Variants in LINC01488 observed in about 807,000 individuals in gnomAD.
The protein encoded by LINC01488 is CCND1-upstream intergenic DNA repair 1.
At chr11:69,483,886 G>C (rs1857074108) in intron 1 of LINC01488, among the ~76,000 whole-genome samples, 2 of 152,208 alleles carry the variant, frequency 1.3e-5, no homozygotes, top group Non-Finnish European at 2.9e-5. Flanking sequence ...GTGGGCTGGG[G>C]CCGGAAACCA....
chr11:69,489,596 C>T (rs968420342), intron 1 of LINC01488, among the ~76,000 whole-genome samples: 9 of 152,236 alleles, frequency 5.9e-5, no homozygotes, highest in African/African-American at 2.2e-4. Flanking sequence ...GGAACGTGCT[C>T]CTGCTGCAGG....
chr11:69,487,902 C>G (rs1290596375), intron 1 of LINC01488: 2 of 152,368 alleles, frequency 1.3e-5, no homozygotes, highest in Non-Finnish European at 2.9e-5. Flanking sequence ...CTCCCAGGTC[C>G]CTACACGGGT....
At chr11:69,482,269 C>A (rs1181756755) in intron 1 of LINC01488, among the ~76,000 whole-genome samples, 1 of 152,162 alleles carries the variant, frequency 6.6e-6, no homozygotes, top group African/African-American at 2.4e-5. Context: ...CATTCACTAC[C>A]ATGAGAACAG....
Position 69,484,730 on chromosome 11 carries a change from C to T in LINC01488, n.122+2947C>T, listed in dbSNP as rs973950553. Among the ~76,000 whole-genome samples the T allele has an allele frequency of 5.8e-4, 89 of 152,344 alleles. 1 individual carries two copies. The highest frequency in any genetic ancestry group is 6.8e-3 in the Middle Eastern group (2 of 294). On this transcript the variant is annotated intron_variant and non_coding_transcript_variant, in intron 1 of 3. Transcript: ENST00000644563. ...AGCCCTGCTGTTGGGCAGCAATCAG[C>T]GATGGGTGGCCGTGGGCAGGTTCCC...
At chr11:69,486,755 G>T (rs953491130) in intron 1 of LINC01488, among the ~76,000 whole-genome samples, 1 of 152,160 alleles carries the variant, frequency 6.6e-6, no homozygotes. Context: ...ATAAGCCCCC[G>T]CGATGGGTGG....
intron 1 of LINC01488, among the ~76,000 whole-genome samples, chr11:69,486,357 G>A (rs1206120791): frequency 6.6e-6 from 1 of 152,200 alleles, no homozygotes. Context: ...TGAGAACCGG[G>A]CCTCGAAACT....
Position 69,490,241 on chromosome 11 carries a change from G to T in LINC01488, n.123-254G>T, listed in dbSNP as rs17136596. Among the ~76,000 whole-genome samples the T allele has an allele frequency of 5.7e-3, 861 of 152,324 alleles. 7 individuals are homozygous for T. The highest frequency in any genetic ancestry group is 0.02 in the African/African-American group (835 of 41,558). On this transcript the variant is annotated intron_variant and non_coding_transcript_variant, in intron 1 of 3. Coordinates refer to ENST00000644563, the Ensembl canonical transcript of LINC01488. ...CTAGTCAGCCCTGTTCCGCCGAATG[G>T]GCTTTTGTCCGAAGCTGCAGTCTCT...
At chr11:69,490,062 T>C (rs558935634) in intron 1 of LINC01488, among the ~76,000 whole-genome samples, 7 of 152,186 alleles carry the variant, frequency 4.6e-5, no homozygotes, top group Non-Finnish European at 7.3e-5. Flanking sequence ...GCCTGGAGTT[T>C]TGTTGGAGGA....
chr11:69,484,241 G>C (rs912591301), intron 1 of LINC01488, among the ~76,000 whole-genome samples: 1 of 152,216 alleles, frequency 6.6e-6, no homozygotes, highest in African/African-American at 2.4e-5. Flanking sequence ...CTCCAGACAG[G>C]AGGTCATGGG....
chr11:69,489,996 G>A (rs1196096741), intron 1 of LINC01488, among the ~76,000 whole-genome samples: 1 of 152,208 alleles, frequency 6.6e-6, no homozygotes, highest in African/African-American at 2.4e-5. Flanking sequence ...GCACCCTGGA[G>A]TGTCTGACAA....
intron 1 of LINC01488, among the ~76,000 whole-genome samples, chr11:69,490,138 G>T (rs976588537): frequency 6.6e-6 from 1 of 152,202 alleles, no homozygotes; most frequent in Non-Finnish European, 1.5e-5. Context: ...GCTCCTTGGA[G>T]ATTTGGTCCA....
intron 1 of LINC01488, among the ~76,000 whole-genome samples, chr11:69,489,913 T>C (rs1041402919): frequency 1.6e-4 from 24 of 152,112 alleles, no homozygotes; most frequent in African/African-American, 5.8e-4. Context: ...GCTGGGTGAG[T>C]GGTTCCAGCC....
chr11:69,485,991 GT>G (rs1857109462), intron 1 of LINC01488: 1 of 152,268 alleles, frequency 6.6e-6, no homozygotes, highest in Non-Finnish European at 1.5e-5. Context: ...GGGTGGTGCT[GT>G]CTGAGATCCT....
At chr11:69,485,384 T>A (rs1857099382) in intron 1 of LINC01488, among the ~76,000 whole-genome samples, 1 of 152,186 alleles carries the variant, frequency 6.6e-6, no homozygotes, top group Non-Finnish European at 1.5e-5. Flanking sequence ...GCCACTGACC[T>A]CACTGGACTT....
At chr11:69,492,903 G>A (rs1371035489) in exon 4 of LINC01488, 1 of 152,234 alleles carries the variant, frequency 6.6e-6, no homozygotes, top group Admixed American at 6.5e-5. Flanking sequence ...CGCAATCTCA[G>A]GGAAGATTCC....
chr11:69,486,834 GCTGGCCCTGCTC>G (rs916956357), intron 1 of LINC01488, among the ~76,000 whole-genome samples: 16 of 152,186 alleles, frequency 1.1e-4, no homozygotes, highest in Non-Finnish European at 2.1e-4. Context: ...TGGCTGTGTT[GCTGGCCCTGCTC>G]CTGGCCCTGC....
chr11:69,485,010 C>G (rs1565192088), intron 1 of LINC01488, among the ~76,000 whole-genome samples: 1 of 152,356 alleles, frequency 6.6e-6, no homozygotes. Flanking sequence ...GCTAAAATCT[C>G]TGAACCACCC....
In LINC01488 at chr11:69,482,878, G is replaced by C. The variant is rs148334029; in HGVS notation, n.122+1095G>C. ...CTTCTCCTCACATTTTCACAGGGTT[G>C]TTCCTCTATGTGGGTCCGTATCCTA... On this transcript the variant is annotated intron_variant and non_coding_transcript_variant, in intron 1 of 3. Coordinates refer to ENST00000644563, the Ensembl canonical transcript of LINC01488. Among the ~76,000 whole-genome samples, 3 of 152,228 alleles carry C rather than the reference G, an allele frequency of 2.0e-5. No homozygotes were observed. The East Asian group carries it at 5.8e-4, about 29-fold the overall frequency.
intron 1 of LINC01488, among the ~76,000 whole-genome samples, chr11:69,483,827 C>T (rs1252436514): frequency 5.3e-5 from 8 of 152,132 alleles, no homozygotes; most frequent in African/African-American, 7.2e-5. Context: ...CGGGCCGGCC[C>T]GGCTGGCGGG....
Sources: gnomAD v4.1 joint callset for allele counts (sites outside exome capture counted in the v4.1 genomes callset) on GRCh38, gnomAD v4.1.1 for gene constraint, MANE v1.5 for transcripts, NCBI Gene and HGNC (gene_info 2026-07-23, HGNC 2026-07-21) for gene names.